SCD: variants seen among roughly 807,000 people sequenced by gnomAD.
SCD encodes the protein acyl-CoA desaturase.
A neutral mutation model predicts 35.7 loss-of-function variants in SCD; 4 were observed. The ratio of observed to expected loss-of-function variants is 0.11; its 90% CI spans 0.06 to 0.26. SCD has a LOEUF of 0.26. Ranked by LOEUF, SCD falls within the 10% of genes least tolerant of loss-of-function variation. The pLI, the probability that SCD is intolerant of heterozygous loss-of-function variation, is 1.00. For missense variants in SCD, 282 were observed against 460.7 expected (o/e 0.61, Z 3.55); for synonymous variants, 150 against 170.2 (o/e 0.88, Z 0.92).
At position 100,361,142 on chromosome 10, in the gene SCD, C is replaced by G. The variant is rs1026796490; in HGVS notation, c.*209C>G. Reference sequence around the variant, plus strand: ...CTGATATTATTTCTTCTCTTATCCTCTCTCTCTTCTAGGCCCATTGTCCTC... The same window carrying G: ...CTGATATTATTTCTTCTCTTATCCTGTCTCTCTTCTAGGCCCATTGTCCTC... On this transcript the variant is annotated 3_prime_UTR_variant, in exon 6 of 6. Transcript: ENST00000370355. The G allele has an allele frequency of 1.7e-6, 1 of 573,400 alleles. No homozygotes were observed. The highest frequency in any genetic ancestry group is 3.1e-6 in the Non-Finnish European group (1 of 323,952). The allele number at this position is 573,400 out of a possible 1,614,324, so 35.5% of individuals were successfully genotyped here. A position where few individuals can be genotyped will look rare whatever the true frequency, so the allele number is the denominator to read the frequency against.
Position 100,363,075 on chromosome 10 carries a change from C to T in SCD, c.*2142C>T, listed in dbSNP as rs535616935. On this transcript the variant is annotated 3_prime_UTR_variant, in exon 6 of 6. Coordinates refer to ENST00000370355, the MANE Select transcript of SCD (RefSeq NM_005063.5). ...CAAGTGCCTCACCTCGAAAGGAGGCCCTGTTCCCTGGAGTCAGGGTGAACT... is the reference window on the plus strand; with the variant it reads ...CAAGTGCCTCACCTCGAAAGGAGGCTCTGTTCCCTGGAGTCAGGGTGAACT... The T allele has an allele frequency of 6.6e-6, 1 of 152,362 alleles. No individual in the cohort carries two copies. The highest frequency in any genetic ancestry group is 2.4e-5 in the African/African-American group (1 of 41,544). 9.4% of individuals were successfully genotyped at this position (152,362 alleles called of 1,614,324 possible).
intron 3 of SCD, among the ~76,000 whole-genome samples, chr10:100,353,681 T>C (rs1376272073): frequency 6.6e-6 from 1 of 151,894 alleles, no homozygotes; most frequent in Non-Finnish European, 1.5e-5. Context: ...GGGCAAATGA[T>C]AGCATGTGGC....
Position 100,361,355 on chromosome 10 carries a change from T to C in SCD, c.*422T>C, listed in dbSNP as rs1488279381. 1 of 176,706 alleles carries C rather than the reference T, an allele frequency of 5.7e-6. No homozygotes were observed. The highest frequency in any genetic ancestry group is 1.2e-5 in the Non-Finnish European group (1 of 81,840). The allele number at this position is 176,706 out of a possible 1,614,324, so 10.9% of individuals were successfully genotyped here. ...GAGCTTTGAAGTAGGTGGCTTGAGC[T>C]AGAGATAAAACAGAATCTTCTGGGT... On this transcript the variant is annotated 3_prime_UTR_variant, in exon 6 of 6. Transcript: ENST00000370355.
At chr10:100,350,917 C>A (rs576024092) in intron 2 of SCD, among the ~76,000 whole-genome samples, 1 of 152,244 alleles carries the variant, frequency 6.6e-6, no homozygotes, top group South Asian at 2.1e-4. Flanking sequence ...CTTGTTGGGG[C>A]TGACTGGCTC....
chr10:100,361,225 G>C lies in SCD; in HGVS notation c.*292G>C, dbSNP rs201284457. ...CTTATTGCCTCCCAGGCAAGCAGCT[G>C]GTCAGTCTTTGCTCAGTGTCCAGCT... On this transcript the variant is annotated 3_prime_UTR_variant, in exon 6 of 6. Transcript: ENST00000370355. The C allele has an allele frequency of 1.4e-4, 56 of 393,528 alleles. No individual in the cohort carries two copies. Among genetic ancestry groups the C allele is most frequent in the African/African-American group, 1.1e-3 (52 of 48,910 alleles). The allele number at this position is 393,528 out of a possible 1,614,324, so 24.4% of individuals were successfully genotyped here.
chr10:100,354,051 T>G (rs1425277801), intron 3 of SCD, among the ~76,000 whole-genome samples: 1 of 152,254 alleles, frequency 6.6e-6, no homozygotes, highest in Admixed American at 6.5e-5. Context: ...CTGCCTCATG[T>G]TCCCCATGCC....
Position 100,354,528 on chromosome 10 carries a change from C to T in SCD, c.543C>T (p.His181=), listed in dbSNP as rs201039456. The change falls in exon 4 of 6, where the codon CAC becomes CAT. Residue 181 remains histidine, a synonymous_variant. Coordinates refer to ENST00000370355, the MANE Select transcript of SCD (RefSeq NM_005063.5). ...CCCGACGTGGCTTTTTCTTCTCTCA[C>T]GTGGGTTGGCTGCTTGTGCGCAAAC... is the stretch of plus-strand genomic sequence containing the variant. ...HNSRRGFFFS[H]VGWLLVRKHP... The T allele has an allele frequency of 3.0e-5, 49 of 1,613,966 alleles. No individual in the cohort carries two copies. The highest frequency in any genetic ancestry group is 1.6e-4 in the African/African-American group (12 of 74,922).
In SCD at chr10:100,363,712, G is replaced by A. The variant is rs201773028; in HGVS notation, c.*2779G>A. 6.6e-6 allele frequency: 1 copy of A among 152,336 alleles called. No individual in the cohort carries two copies. Among genetic ancestry groups the A allele is most frequent in the Non-Finnish European group, 1.5e-5 (1 of 68,112 alleles). The allele number at this position is 152,336 out of a possible 1,614,324, so 9.4% of individuals were successfully genotyped here. A position where few individuals can be genotyped will look rare whatever the true frequency, so the allele number is the denominator to read the frequency against. On this transcript the variant is annotated 3_prime_UTR_variant, in exon 6 of 6. Coordinates refer to ENST00000370355, the MANE Select transcript of SCD (RefSeq NM_005063.5). ...GGCCCCAATGTATGTGTGGCTGTGG[G>A]TGTGGGTGGGAGTGTGTCTGCTGAG... is the stretch of plus-strand genomic sequence containing the variant.
At chr10:100,360,558 A>G (rs929857827) in intron 5 of SCD, among the ~76,000 whole-genome samples, 176 bp from the exon 6 acceptor site, 1 of 152,196 alleles carries the variant, frequency 6.6e-6, no homozygotes, top group Admixed American at 6.5e-5. Flanking sequence ...TAAAATAATA[A>G]AAGTAAAGAT....
chr10:100,357,401 G>A (rs896755265), intron 5 of SCD, among the ~76,000 whole-genome samples: 8 of 151,944 alleles, frequency 5.3e-5, no homozygotes, highest in South Asian at 2.1e-4. Context: ...AGTGTGCCGT[G>A]CCTTACTGTT....
In SCD at chr10:100,364,193, C is replaced by A. The variant is rs1334448241; in HGVS notation, c.*3260C>A. Reference sequence around the variant, plus strand: ...AATTTTCTCCTTGGTTTGCTAGTATCTTGGGTGTATTCTCTGTAAGTGTAG... The same window carrying A: ...AATTTTCTCCTTGGTTTGCTAGTATATTGGGTGTATTCTCTGTAAGTGTAG... On this transcript the variant is annotated 3_prime_UTR_variant, in exon 6 of 6. Coordinates refer to ENST00000370355, the MANE Select transcript of SCD (RefSeq NM_005063.5). 1 of 147,530 alleles carries A rather than the reference C, an allele frequency of 6.8e-6. No individual in the cohort carries two copies. The highest frequency in any genetic ancestry group is 1.5e-5 in the Non-Finnish European group (1 of 67,402). The allele number at this position is 147,530 out of a possible 1,614,324, so 9.1% of individuals were successfully genotyped here. A position where few individuals can be genotyped will look rare whatever the true frequency, so the allele number is the denominator to read the frequency against.
At chr10:100,354,174 C>T (rs1179349368) in intron 3 of SCD, among the ~76,000 whole-genome samples, 1 of 152,262 alleles carries the variant, frequency 6.6e-6, no homozygotes, top group East Asian at 1.9e-4. Flanking sequence ...CCGTTCCACC[C>T]ACCATATAAC....
Position 100,356,176 on chromosome 10 carries a change from G to A in SCD, c.648-356G>A, listed in dbSNP as rs1849925309. Among the ~76,000 whole-genome samples the A allele has an allele frequency of 1.3e-5, 2 of 152,052 alleles. No homozygotes were observed. Among genetic ancestry groups the A allele is most frequent in the Non-Finnish European group, 2.9e-5 (2 of 68,010 alleles). On this transcript the variant is annotated intron_variant, in intron 4 of 5. Coordinates refer to ENST00000370355, the MANE Select transcript of SCD (RefSeq NM_005063.5). This position sits in a 1 kb window ranked among gnomAD's most constrained non-coding sequence, Gnocchi z 4.1. ...GGATTGCTGGAAAGTTCAGGCATTC[G>A]AGACCAGCCTGGGCAACATAGTGAG...
intron 5 of SCD, 44 bp from the exon 6 acceptor site, chr10:100,360,690 A>G: frequency 1.3e-6 from 2 of 1,572,192 alleles, no homozygotes; most frequent in Non-Finnish European, 1.7e-6. Flanking sequence ...AATCAAGAAA[A>G]CCTCAATGCA....
chr10:100,352,504 G>A lies in SCD; in HGVS notation c.441+8G>A. The A allele has an allele frequency of 6.2e-7, 1 of 1,613,160 alleles. No homozygotes were observed. The highest frequency in any genetic ancestry group is 8.5e-7 in the Non-Finnish European group (1 of 1,179,908). ...AACACAATGGCATTCCAGGTAAGAA[G>A]TTGTCTCTGCTCAGCTGTTTGTCCT... On this transcript the variant is annotated splice_region_variant and intron_variant, in intron 3 of 5. Coordinates refer to ENST00000370355, the MANE Select transcript of SCD (RefSeq NM_005063.5). This position sits in a 1 kb window ranked among gnomAD's most constrained non-coding sequence, Gnocchi z 4.2.
intron 2 of SCD, among the ~76,000 whole-genome samples, chr10:100,351,289 A>G (rs681278): frequency 0.039 from 5,889 of 152,192 alleles, 238 homozygotes; most frequent in East Asian, 0.12. Flanking sequence ...AGGGAAGACA[A>G]TGGTGGGGTG....
chr10:100,357,766 A>AT (rs1323129420), intron 5 of SCD, among the ~76,000 whole-genome samples: 2 of 151,778 alleles, frequency 1.3e-5, no homozygotes, highest in Admixed American at 6.6e-5. Flanking sequence ...AAGTATCTAC[A>AT]TTTTTTTCTC....
At chr10:100,350,786 G>A (rs1170365378) in intron 2 of SCD, among the ~76,000 whole-genome samples, 1 of 152,178 alleles carries the variant, frequency 6.6e-6, no homozygotes, top group Non-Finnish European at 1.5e-5. Context: ...TGGCTCAACT[G>A]ATGGTTTCCC....
At chr10:100,355,921 G>A (rs1158705099) in intron 4 of SCD, among the ~76,000 whole-genome samples, 1 of 152,198 alleles carries the variant, frequency 6.6e-6, no homozygotes, top group Admixed American at 6.5e-5. Flanking sequence ...GCAGAAAATG[G>A]AGGCATGACA....
Sources: gnomAD v4.1 joint callset for allele counts (sites outside exome capture counted in the v4.1 genomes callset) on GRCh38, gnomAD v4.1.1 for gene constraint, Gnocchi (gnomAD v3.1) non-coding constraint, MANE v1.5 for transcripts, NCBI Gene and HGNC (gene_info 2026-07-23, HGNC 2026-07-21) for gene names.